The following SDCCAG8 variants were observed in gnomAD, a reference collection of about 807,000 sequenced individuals.
The protein encoded by SDCCAG8 is SHH signaling and ciliogenesis regulator SDCCAG8, also known as serologically defined colon cancer antigen 8.
SDCCAG8 carries 74 observed loss-of-function variants against 101.8 expected under a neutral mutation model. That is an observed-to-expected ratio of 0.73 (90% CI 0.60 to 0.88). The LOEUF is 0.88. SDCCAG8 is among the 40% of genes least tolerant of loss of function. SDCCAG8 has a pLI of 0.00. For missense variants in SDCCAG8, 787 were observed against 822.6 expected (o/e 0.96, Z 0.53); for synonymous variants, 281 against 292.9 (o/e 0.96, Z 0.41).
At chr1:243,303,863 A>C (rs1025622732) in intron 6 of SDCCAG8, among the ~76,000 whole-genome samples, 4 of 152,116 alleles carry the variant, frequency 2.6e-5, no homozygotes, top group Admixed American at 6.5e-5. Context: ...ACTTGAGTCC[A>C]GGGGTTCGAG....
intron 4 of SDCCAG8, among the ~76,000 whole-genome samples, chr1:243,279,380 G>T (rs2068837841): frequency 6.6e-6 from 1 of 152,162 alleles, no homozygotes; most frequent in Non-Finnish European, 1.5e-5. Context: ...ATAGATTATT[G>T]GTTGTTTACC....
chr1:243,484,953 A>G (rs1416696388), intron 16 of SDCCAG8, among the ~76,000 whole-genome samples: 1 of 152,028 alleles, frequency 6.6e-6, no homozygotes, highest in Non-Finnish European at 1.5e-5. Flanking sequence ...CTGAGGCAGG[A>G]GAATTTCTTG....
At chr1:243,267,499 G>C in intron 1 of SDCCAG8, 1 of 374,614 alleles carries the variant, frequency 2.7e-6, no homozygotes. Context: ...CTATTGGGGA[G>C]GCTGAGGCAG....
intron 15 of SDCCAG8, among the ~76,000 whole-genome samples, chr1:243,420,824 C>T (rs1401536558): frequency 6.6e-6 from 1 of 152,112 alleles, no homozygotes; most frequent in East Asian, 1.9e-4. Flanking sequence ...ATAACTCATT[C>T]ATGTTAAGTT....
Position 243,449,893 on chromosome 1 carries a change from G to A in SDCCAG8, c.1985+23335G>A, listed in dbSNP as rs149281538. Among the ~76,000 whole-genome samples, 457 of 152,240 alleles carry A rather than the reference G, an allele frequency of 3.0e-3. 1 individual carries two copies. Among genetic ancestry groups the A allele is most frequent in the African/African-American group, 0.01 (431 of 41,538 alleles). ...GTCCACACTCCCATCTTGGGATTCTGTCTTTTCCACTTCAATAAATGGCTC... is the reference window on the plus strand; with the variant it reads ...GTCCACACTCCCATCTTGGGATTCTATCTTTTCCACTTCAATAAATGGCTC... On this transcript the variant is annotated intron_variant, in intron 16 of 17. Coordinates refer to ENST00000366541, the MANE Select transcript of SDCCAG8 (RefSeq NM_006642.5).
chr1:243,469,246 A>T (rs911928591), intron 16 of SDCCAG8, among the ~76,000 whole-genome samples: 1 of 152,006 alleles, frequency 6.6e-6, no homozygotes, highest in Non-Finnish European at 1.5e-5. Flanking sequence ...TTTGAGTAGT[A>T]TAGCATCCAT....
At position 243,353,092 on chromosome 1, in the gene SDCCAG8, G is replaced by A. The variant is rs1018546343; in HGVS notation, c.1473+8761G>A. On this transcript the variant is annotated intron_variant, in intron 12 of 17. Transcript: ENST00000366541. ...TGTCAGAAAGGAGTATGTAAACCAG[G>A]TATGCCAATAAATATATGTCAAAGA... Among the ~76,000 whole-genome samples, 9 of 152,114 alleles carry A rather than the reference G, an allele frequency of 5.9e-5. No individual in the cohort carries two copies. The East Asian group carries it at 7.7e-4, about 13-fold the overall frequency.
At chr1:243,393,680 G>A (rs1351977836) in intron 13 of SDCCAG8, among the ~76,000 whole-genome samples, 1 of 152,150 alleles carries the variant, frequency 6.6e-6, no homozygotes, top group Admixed American at 6.5e-5. Flanking sequence ...AATGTATACA[G>A]TGTGGCACAT....
chr1:243,461,768 T>C (rs1316041963), intron 16 of SDCCAG8, among the ~76,000 whole-genome samples: 1 of 152,180 alleles, frequency 6.6e-6, no homozygotes, highest in Non-Finnish European at 1.5e-5. Flanking sequence ...CTCAATACTA[T>C]ACAGAGCTTT....
chr1:243,298,048 CTT>C (rs34885610), intron 6 of SDCCAG8, among the ~76,000 whole-genome samples: 49 of 137,800 alleles, frequency 3.6e-4, no homozygotes, highest in Non-Finnish European at 4.2e-4. Context: ...TATAGTTTCA[CTT>C]TTTTTTTTTT....
intron 16 of SDCCAG8, among the ~76,000 whole-genome samples, chr1:243,448,464 A>G (rs1047532847): frequency 2.0e-5 from 3 of 152,186 alleles, no homozygotes; most frequent in Non-Finnish European, 4.4e-5. Context: ...ATTGTGTTCT[A>G]ACAATGGTAA....
chr1:243,408,859 A>G lies in SDCCAG8; in HGVS notation c.1617-6843A>G, dbSNP rs570367427. On this transcript the variant is annotated intron_variant, in intron 13 of 17. Coordinates refer to ENST00000366541, the MANE Select transcript of SDCCAG8 (RefSeq NM_006642.5). Reference sequence around the variant, plus strand: ...TAAAGACCTTAGCTTATGTGTAAACATTAGTAATTAGTAGCTTCTTAAAAG... The same window carrying G: ...TAAAGACCTTAGCTTATGTGTAAACGTTAGTAATTAGTAGCTTCTTAAAAG... Among the ~76,000 whole-genome samples, 119 of 152,370 alleles carry G rather than the reference A, an allele frequency of 7.8e-4. No homozygotes were observed. The Middle Eastern group carries it at 0.01, about 13-fold the overall frequency.
chr1:243,316,223 G>A (rs1461855424), intron 8 of SDCCAG8, among the ~76,000 whole-genome samples: 6 of 152,158 alleles, frequency 3.9e-5, no homozygotes, highest in Admixed American at 6.5e-5. Flanking sequence ...TAATCATTGA[G>A]CAACAACAAG....
chr1:243,295,858 T>G (rs2070819492), intron 6 of SDCCAG8, among the ~76,000 whole-genome samples: 2 of 152,198 alleles, frequency 1.3e-5, no homozygotes, highest in African/African-American at 4.8e-5. Flanking sequence ...AGACTCATCT[T>G]TTTTCCTTGT....
chr1:243,488,227 G>C (rs1665471903), intron 16 of SDCCAG8: 1 of 152,310 alleles, frequency 6.6e-6, no homozygotes, highest in Non-Finnish European at 1.5e-5. Flanking sequence ...CGAGGCCTTC[G>C]GCTCAGTAGC....
chr1:243,401,996 A>T (rs1450533791), intron 13 of SDCCAG8, among the ~76,000 whole-genome samples: 1 of 152,204 alleles, frequency 6.6e-6, no homozygotes, highest in African/African-American at 2.4e-5. Context: ...TGGAATCAGG[A>T]TTTAAAATGC....
chr1:243,324,044 G>T (rs546570680), intron 9 of SDCCAG8, among the ~76,000 whole-genome samples: 1 of 151,708 alleles, frequency 6.6e-6, no homozygotes, highest in Non-Finnish European at 1.5e-5. Context: ...TTCTCCTCAC[G>T]TGGCCAAATA....
chr1:243,269,377 G>A lies in SDCCAG8; in HGVS notation c.68-728G>A, dbSNP rs1329782463. 1.2e-4 allele frequency among the ~76,000 whole-genome samples: 17 copies of A among 147,264 alleles called. 1 individual carries two copies. Among genetic ancestry groups the A allele is most frequent in the Non-Finnish European group, 1.8e-4 (12 of 67,338 alleles). ...GAGTGCAGTGGTGCGATCTCGGCTC[G>A]CTGCAACCCCTTGGAGGCTATTTTT... On this transcript the variant is annotated intron_variant, in intron 1 of 17. Coordinates refer to ENST00000366541, the MANE Select transcript of SDCCAG8 (RefSeq NM_006642.5).
chr1:243,340,514 G>C (rs984170938), intron 10 of SDCCAG8, among the ~76,000 whole-genome samples: 2 of 152,118 alleles, frequency 1.3e-5, no homozygotes, highest in African/African-American at 2.4e-5. Context: ...TAGATAATAG[G>C]GGGGCGGTTG....
Sources: gnomAD v4.1 joint callset for allele counts (sites outside exome capture counted in the v4.1 genomes callset) on GRCh38, gnomAD v4.1.1 for gene constraint, MANE v1.5 for transcripts, NCBI Gene and HGNC (gene_info 2026-07-23, HGNC 2026-07-21) for gene names.